Variants in DNAH12 observed in about 807,000 individuals in gnomAD.
The protein encoded by DNAH12 is dynein axonemal heavy chain 12.
In DNAH12, 285 loss-of-function variants were observed where a neutral mutation model predicts 371.5. That is an observed-to-expected ratio of 0.77 (90% CI 0.70 to 0.85). The LOEUF is 0.85. DNAH12 is among the 40% of genes least tolerant of loss of function. The pLI is 0.00. For synonymous variants in DNAH12, 1,200 were observed against 1,213.0 expected, an observed-to-expected ratio of 0.99 and a Z score of 0.22; for missense variants, 3,611 against 3,689.4, an observed-to-expected ratio of 0.98 and a Z score of 0.55.
At chr3:57,406,050 G>C (rs1452261255) in intron 40 of DNAH12, 98 bp from the exon 41 acceptor site, 5 of 1,301,154 alleles carry the variant, frequency 3.8e-6, no homozygotes, top group Non-Finnish European at 5.2e-6. Context: ...TATTTACTCT[G>C]TCAGATTATA....
intron 59 of DNAH12, among the ~76,000 whole-genome samples, chr3:57,355,750 T>C (rs1249316955): frequency 6.6e-6 from 1 of 152,136 alleles, no homozygotes; most frequent in African/African-American, 2.4e-5. Context: ...TTGTATAAAT[T>C]CAAATTCCAA....
At chr3:57,364,528 A>T (rs1048179390) in intron 57 of DNAH12, among the ~76,000 whole-genome samples, 5 of 151,730 alleles carry the variant, frequency 3.3e-5, no homozygotes, top group African/African-American at 9.7e-5. Flanking sequence ...GGGGTTTTAC[A>T]TTTAAGTCTT....
intron 25 of DNAH12, among the ~76,000 whole-genome samples, chr3:57,446,977 G>T (rs1457974775): frequency 6.6e-6 from 1 of 152,122 alleles, no homozygotes; most frequent in Non-Finnish European, 1.5e-5. Context: ...GTTCAGGAAG[G>T]TTTTAATTAG....
At chr3:57,409,171 T>C (rs1354368720) in intron 39 of DNAH12, among the ~76,000 whole-genome samples, 1 of 152,122 alleles carries the variant, frequency 6.6e-6, no homozygotes, top group Non-Finnish European at 1.5e-5. Flanking sequence ...AAATAGGAAA[T>C]GACATAATTT....
chr3:57,306,017 A>G (rs1040009746), intron 69 of DNAH12, among the ~76,000 whole-genome samples: 11 of 152,172 alleles, frequency 7.2e-5, no homozygotes, highest in South Asian at 6.2e-4. Flanking sequence ...CTCATAAGCC[A>G]CGTCCCATCT....
the DNAH12 span, among the ~76,000 whole-genome samples, chr3:57,551,808 A>C: frequency 6.6e-6 from 1 of 152,184 alleles, no homozygotes; most frequent in African/African-American, 2.4e-5. Context: ...ACATCAAAAA[A>C]ATGAAAAAAA....
At chr3:57,305,327 G>A (rs2061446642) in intron 69 of DNAH12, among the ~76,000 whole-genome samples, 1 of 151,816 alleles carries the variant, frequency 6.6e-6, no homozygotes, top group Non-Finnish European at 1.5e-5. Context: ...AGACCCATCT[G>A]ACCTCTCCCC....
intron 2 of DNAH12, among the ~76,000 whole-genome samples, chr3:57,535,547 A>AT: frequency 6.6e-6 from 1 of 151,924 alleles, no homozygotes; most frequent in African/African-American, 2.4e-5. Context: ...ATTTTATTTT[A>AT]TTTTTTATTT....
chr3:57,496,841 C>G (rs1233467899), intron 11 of DNAH12, among the ~76,000 whole-genome samples: 4 of 152,038 alleles, frequency 2.6e-5, no homozygotes, highest in South Asian at 4.1e-4. Flanking sequence ...TGGTGGCACG[C>G]TCCTGTAATC....
intron 13 of DNAH12, among the ~76,000 whole-genome samples, chr3:57,476,827 G>C (rs2066544002): frequency 6.6e-6 from 1 of 151,852 alleles, no homozygotes; most frequent in Non-Finnish European, 1.5e-5. Flanking sequence ...TGCTGGAAAA[G>C]GTAAAAACAT....
In DNAH12 at chr3:57,425,145, C is replaced by A. The variant is rs775432740; in HGVS notation, c.5254-4G>T. The A allele has an allele frequency of 1.4e-6, 1 of 692,994 alleles. No individual in the cohort carries two copies. The highest frequency in any genetic ancestry group is 1.5e-5 in the South Asian group (1 of 65,066). The allele number at this position is 692,994 out of a possible 1,614,324, so 42.9% of individuals were successfully genotyped here. A position where few individuals can be genotyped will look rare whatever the true frequency, so the allele number is the denominator to read the frequency against. On this transcript the variant is annotated splice_polypyrimidine_tract_variant and splice_region_variant and intron_variant, in intron 34 of 73. Coordinates refer to ENST00000495027, the MANE Select transcript of DNAH12 (RefSeq NM_001366028.2). The stretch of plus-strand genomic sequence containing the variant: ...TGTTGCTTGTAGGAATCAGTTCCTG[C>A]AAGGTGAAAATAAGATAACTTTCTT...
chr3:57,421,747 A>T lies in DNAH12; in HGVS notation c.5374-41T>A, dbSNP rs190625996. The T allele has an allele frequency of 3.4e-3, 5,195 of 1,549,420 alleles. 14 individuals are homozygous for T. The highest frequency in any genetic ancestry group is 3.7e-3 in the Non-Finnish European group (4,293 of 1,145,598). The stretch of plus-strand genomic sequence containing the variant: ...AAATTTAACTTATAGCAATTATTTT[A>T]AAAGGCATTTTAGGAGAAACATTAA... On this transcript the variant is annotated intron_variant, in intron 35 of 73. Coordinates refer to ENST00000495027, the MANE Select transcript of DNAH12 (RefSeq NM_001366028.2).
At chr3:57,314,924 G>A (rs187714365) in intron 65 of DNAH12, among the ~76,000 whole-genome samples, 2 of 152,128 alleles carry the variant, frequency 1.3e-5, no homozygotes, top group South Asian at 2.1e-4. Flanking sequence ...GGTATTACTC[G>A]CAGAGATTTA....
At chr3:57,340,410 C>G (rs1252793895) in intron 60 of DNAH12, among the ~76,000 whole-genome samples, 12 of 151,854 alleles carry the variant, frequency 7.9e-5, no homozygotes, top group African/African-American at 2.9e-4. Context: ...ATTGACAGAG[C>G]ATTAACTAGA....
rs186174843 is a variant in DNAH12 at position 57,320,562 on chromosome 3, A to C, written c.10524+1781T>G. Among the ~76,000 whole-genome samples, 602 of 152,316 alleles carry C rather than the reference A, an allele frequency of 4.0e-3. 1 individual carries two copies. The highest frequency in any genetic ancestry group is 6.3e-3 in the Non-Finnish European group (428 of 68,030). On this transcript the variant is annotated intron_variant, in intron 65 of 73. Coordinates refer to ENST00000495027, the MANE Select transcript of DNAH12 (RefSeq NM_001366028.2). Reference sequence around the variant, plus strand: ...AATTGTCAGAAATTAGCCTTATCGAAAGGCATTCCAGCTATTTCTGGAAGC... The same window carrying C: ...AATTGTCAGAAATTAGCCTTATCGACAGGCATTCCAGCTATTTCTGGAAGC...
intron 13 of DNAH12, among the ~76,000 whole-genome samples, chr3:57,479,020 C>T (rs866844967): frequency 1.2e-3 from 186 of 152,242 alleles, no homozygotes; most frequent in African/African-American, 4.0e-3. Flanking sequence ...CATCAAGTAA[C>T]GAGCAAAATA....
intron 11 of DNAH12, among the ~76,000 whole-genome samples, chr3:57,491,970 C>T (rs1559716418): frequency 6.6e-6 from 1 of 151,544 alleles, no homozygotes; most frequent in Non-Finnish European, 1.5e-5. Context: ...CACACCACTG[C>T]ACTATAGCCT....
intron 12 of DNAH12, 27 bp from the exon 13 acceptor site, chr3:57,483,538 CTT>C (rs1348763449): frequency 1.3e-6 from 2 of 1,527,372 alleles, no homozygotes; most frequent in East Asian, 2.5e-5. Flanking sequence ...CTTTAATAGA[CTT>C]ATGGCAATTA....
chr3:57,338,593 ACC>A (rs2062299236), intron 60 of DNAH12, among the ~76,000 whole-genome samples: 1 of 109,612 alleles, frequency 9.1e-6, no homozygotes, highest in Non-Finnish European at 1.8e-5. Context: ...CCCGGCCACC[ACC>A]CCGTCTGGGA....
Sources: allele counts gnomAD v4.1 joint callset (sites outside exome capture counted in the v4.1 genomes callset), GRCh38; gene constraint gnomAD v4.1.1; transcripts MANE v1.5; gene names NCBI Gene and HGNC (gene_info 2026-07-23, HGNC 2026-07-21).